Variants in MAGI2 observed in about 807,000 individuals in gnomAD.
MAGI2 encodes the protein membrane-associated guanylate kinase, WW and PDZ domain-containing protein 2.
MAGI2 carries 35 observed loss-of-function variants against 133.3 expected under a neutral mutation model. The ratio of observed to expected loss-of-function variants is 0.26; its 90% CI spans 0.20 to 0.35. The LOEUF (loss-of-function observed/expected upper bound fraction) is 0.35. Ranked by LOEUF, MAGI2 falls within the 10% of genes least tolerant of loss-of-function variation. The probability of loss-of-function intolerance (pLI) is 1.00; values close to 1 mark genes in which losing one functional copy is unlikely to be tolerated. For synonymous variants in MAGI2, 729 were observed against 710.6 expected, an observed-to-expected ratio of 1.03 and a Z score of -0.41; for missense variants, 1,636 against 1,863.4, an observed-to-expected ratio of 0.88 and a Z score of 2.25.
chr7:78,968,568 A>C (rs1466738902), intron 2 of MAGI2, among the ~76,000 whole-genome samples: 1 of 151,992 alleles, frequency 6.6e-6, no homozygotes, highest in Non-Finnish European at 1.5e-5. Context: ...AGCATTGATA[A>C]GATTTCTTCA....
At chr7:79,028,850 T>C (rs925528883) in intron 1 of MAGI2, among the ~76,000 whole-genome samples, 1 of 152,142 alleles carries the variant, frequency 6.6e-6, no homozygotes, top group Non-Finnish European at 1.5e-5. Context: ...GTCTTGGTAA[T>C]GAAAGGGGTT....
chr7:78,252,290 C>T (rs1792477139), intron 10 of MAGI2: 1 of 151,846 alleles, frequency 6.6e-6, no homozygotes, highest in Non-Finnish European at 1.5e-5. Flanking sequence ...CTAAAGTAAC[C>T]TAGAGGGTGT....
At chr7:79,100,183 TA>T (rs1817855636) in intron 1 of MAGI2, among the ~76,000 whole-genome samples, 2 of 152,132 alleles carry the variant, frequency 1.3e-5, no homozygotes, top group Non-Finnish European at 2.9e-5. Flanking sequence ...TGTGCTTCTT[TA>T]TTATTATTTT....
chr7:79,315,351 T>C (rs1027340829), intron 1 of MAGI2, among the ~76,000 whole-genome samples: 3 of 150,316 alleles, frequency 2.0e-5, no homozygotes, highest in African/African-American at 7.3e-5. Context: ...TTTTTTGTAT[T>C]TTTAGTAGAG....
At chr7:78,416,464 T>C (rs1198410850) in intron 6 of MAGI2, among the ~76,000 whole-genome samples, 1 of 152,200 alleles carries the variant, frequency 6.6e-6, no homozygotes, top group Non-Finnish European at 1.5e-5. Context: ...TATGAAATGA[T>C]TGTATTCCAG....
chr7:78,533,254 T>A (rs1393594761), intron 3 of MAGI2, among the ~76,000 whole-genome samples: 1 of 152,230 alleles, frequency 6.6e-6, no homozygotes, highest in African/African-American at 2.4e-5. Context: ...TAGCAAATTA[T>A]GAAGTGTCAC....
At chr7:78,903,679 C>T (rs576702834) in intron 2 of MAGI2, among the ~76,000 whole-genome samples, 2 of 152,186 alleles carry the variant, frequency 1.3e-5, no homozygotes, top group South Asian at 4.2e-4. Flanking sequence ...CCCTGACATA[C>T]ATTTTGACAT....
At chr7:78,972,321 C>CA (rs1279667698) in intron 2 of MAGI2, among the ~76,000 whole-genome samples, 1 of 151,766 alleles carries the variant, frequency 6.6e-6, no homozygotes, top group Non-Finnish European at 1.5e-5. Flanking sequence ...TCCTTACTAT[C>CA]AAAAAAATTA....
intron 21 of MAGI2, among the ~76,000 whole-genome samples, chr7:78,043,496 G>A (rs1311249210): frequency 1.3e-5 from 2 of 152,194 alleles, no homozygotes; most frequent in Non-Finnish European, 2.9e-5. Context: ...GACCTCTGGG[G>A]CTGGAAAGGA....
At chr7:78,792,504 C>A (rs1432729787) in intron 2 of MAGI2, among the ~76,000 whole-genome samples, 1 of 152,168 alleles carries the variant, frequency 6.6e-6, no homozygotes, top group African/African-American at 2.4e-5. Flanking sequence ...AGAAGCCGAT[C>A]ATGGTTACAG....
chr7:78,405,521 ACT>A (rs1257298064), intron 6 of MAGI2, among the ~76,000 whole-genome samples: 2 of 152,008 alleles, frequency 1.3e-5, no homozygotes, highest in African/African-American at 4.8e-5. Flanking sequence ...ATTTTAGCTG[ACT>A]CTCTTCAGCT....
chr7:79,158,229 A>T (rs1824006639), intron 1 of MAGI2, among the ~76,000 whole-genome samples: 1 of 151,970 alleles, frequency 6.6e-6, no homozygotes, highest in Non-Finnish European at 1.5e-5. Flanking sequence ...AAAAATCATA[A>T]CATGTACTTC....
At chr7:78,794,853 T>C (rs988432053) in intron 2 of MAGI2, among the ~76,000 whole-genome samples, 11 of 152,134 alleles carry the variant, frequency 7.2e-5, no homozygotes, top group African/African-American at 2.2e-4. Flanking sequence ...CAGGGGCAAA[T>C]TGAAGGAAAG....
intron 2 of MAGI2, among the ~76,000 whole-genome samples, chr7:78,675,658 T>G (rs973623457): frequency 6.6e-6 from 1 of 152,158 alleles, no homozygotes; most frequent in Non-Finnish European, 1.5e-5. Flanking sequence ...AATTCCTATG[T>G]TGCCGCCACA....
intron 9 of MAGI2, among the ~76,000 whole-genome samples, chr7:78,326,791 A>C (rs1788632426): frequency 6.6e-6 from 1 of 152,172 alleles, no homozygotes; most frequent in Admixed American, 6.5e-5. Context: ...TAAAGCCCCA[A>C]CACCAAACTT....
chr7:78,230,188 A>T (rs904337017), intron 10 of MAGI2, among the ~76,000 whole-genome samples: 4 of 152,188 alleles, frequency 2.6e-5, no homozygotes, highest in African/African-American at 9.7e-5. Context: ...TCTCCCTAAC[A>T]CTCGAGGGCA....
At chr7:79,390,664 T>A (rs1844535711) in intron 1 of MAGI2, among the ~76,000 whole-genome samples, 1 of 152,164 alleles carries the variant, frequency 6.6e-6, no homozygotes, top group Non-Finnish European at 1.5e-5. Context: ...CAAAGCACTA[T>A]CTGTAAAGAT....
intron 20 of MAGI2, among the ~76,000 whole-genome samples, chr7:78,097,286 C>T (rs1258660509): frequency 1.3e-5 from 2 of 152,150 alleles, no homozygotes; most frequent in South Asian, 4.1e-4. Flanking sequence ...ACAGAACTAC[C>T]ATTTGACCCA....
intron 2 of MAGI2, among the ~76,000 whole-genome samples, chr7:78,973,757 T>C (rs182348836): frequency 3.9e-5 from 6 of 151,952 alleles, no homozygotes; most frequent in Admixed American, 3.3e-4. Flanking sequence ...AATATGTATC[T>C]TTCTGGTTGC....
Sources: allele counts gnomAD v4.1 joint callset (sites outside exome capture counted in the v4.1 genomes callset), GRCh38; gene constraint gnomAD v4.1.1; transcripts MANE v1.5; gene names NCBI Gene and HGNC (gene_info 2026-07-23, HGNC 2026-07-21).